NME7: variants seen among roughly 807,000 people sequenced by gnomAD.
NME7 encodes nucleoside diphosphate kinase 7.
A neutral mutation model predicts 49.1 loss-of-function variants in NME7; 41 were observed. The ratio of observed to expected loss-of-function variants is 0.83; its 90% CI spans 0.65 to 1.08. The LOEUF is 1.08. Among genes scored for constraint, NME7 ranks in the 50% least tolerant of loss-of-function variants. NME7 has a pLI of 0.00. For missense variants in NME7, 423 were observed against 463.4 expected (o/e 0.91, Z 0.80); for synonymous variants, 139 against 150.6 (o/e 0.92, Z 0.56).
At chr1:169,228,317 T>C (rs1008543182) in intron 10 of NME7, among the ~76,000 whole-genome samples, 6 of 152,186 alleles carry the variant, frequency 3.9e-5, no homozygotes, top group African/African-American at 1.4e-4. Flanking sequence ...TTTGTTTTAG[T>C]TTTTATCTCT....
chr1:169,229,218 CTCTA>C (rs1185195789), intron 10 of NME7, among the ~76,000 whole-genome samples: 16 of 152,212 alleles, frequency 1.1e-4, no homozygotes, highest in Non-Finnish European at 1.9e-4. Context: ...ACCATATTTC[CTCTA>C]TCTAAGAAAA....
At chr1:169,161,227 GC>G (rs1171331500) in intron 11 of NME7, among the ~76,000 whole-genome samples, 1 of 152,158 alleles carries the variant, frequency 6.6e-6, no homozygotes, top group Non-Finnish European at 1.5e-5. Context: ...CCTGGTCAAA[GC>G]CCCAGTCTTA....
chr1:169,358,498 G>T (rs1653537569), intron 1 of NME7, among the ~76,000 whole-genome samples: 1 of 151,886 alleles, frequency 6.6e-6, no homozygotes, highest in African/African-American at 2.4e-5. Flanking sequence ...CACAAGAGAG[G>T]ACTGGAAAAT....
intron 7 of NME7, among the ~76,000 whole-genome samples, chr1:169,275,430 G>T (rs1558017628): frequency 9.6e-6 from 1 of 104,612 alleles, no homozygotes; most frequent in Non-Finnish European, 2.1e-5. Context: ...AGTGAGTCGA[G>T]ATCGCGCCAC....
chr1:169,308,112 A>G (rs1258239172), intron 4 of NME7, among the ~76,000 whole-genome samples: 2 of 152,206 alleles, frequency 1.3e-5, no homozygotes, highest in African/African-American at 4.8e-5. Context: ...CACAGTTACA[A>G]GCAATCTGGT....
chr1:169,198,461 G>A (rs779859374), intron 10 of NME7, among the ~76,000 whole-genome samples: 9 of 151,994 alleles, frequency 5.9e-5, no homozygotes, highest in Non-Finnish European at 8.8e-5. Context: ...CAACCCAAAC[G>A]TCTATCATTT....
chr1:169,233,063 C>A (rs1031685537), intron 9 of NME7, among the ~76,000 whole-genome samples: 4 of 151,538 alleles, frequency 2.6e-5, no homozygotes, highest in Non-Finnish European at 5.9e-5. Flanking sequence ...GGACTACAGG[C>A]ACCCACCACC....
intron 6 of NME7, among the ~76,000 whole-genome samples, chr1:169,293,138 T>TA (rs558650102): frequency 0.016 from 2,212 of 136,520 alleles, 59 homozygotes; most frequent in African/African-American, 0.052. Flanking sequence ...TTAGAAAAAA[T>TA]AAAAAAAAAT....
chr1:169,247,485 A>T (rs1172496408), intron 7 of NME7, among the ~76,000 whole-genome samples: 6 of 152,088 alleles, frequency 3.9e-5, no homozygotes, highest in African/African-American at 1.4e-4. Context: ...CTCAGTTTTT[A>T]AAATTTTTTT....
At chr1:169,357,711 T>C (rs1402604990) in intron 1 of NME7, among the ~76,000 whole-genome samples, 1 of 152,046 alleles carries the variant, frequency 6.6e-6, no homozygotes, top group East Asian at 1.9e-4. Context: ...TACTTGCCAC[T>C]AGATGAAGGG....
intron 10 of NME7, among the ~76,000 whole-genome samples, chr1:169,184,143 T>TA (rs539397736): frequency 0.014 from 2,068 of 145,938 alleles, 35 homozygotes; most frequent in Middle Eastern, 0.024. Flanking sequence ...ACATTGTTTT[T>TA]AAAAAAAAAA....
intron 1 of NME7, among the ~76,000 whole-genome samples, chr1:169,335,431 C>T (rs1427313555): frequency 1.3e-5 from 2 of 151,934 alleles, no homozygotes; most frequent in East Asian, 1.9e-4. Flanking sequence ...AGCTGGAAGC[C>T]ATCATCTTCA....
intron 11 of NME7, among the ~76,000 whole-genome samples, chr1:169,158,396 C>A (rs1418727041): frequency 2.0e-5 from 3 of 152,084 alleles, no homozygotes; most frequent in African/African-American, 7.2e-5. Context: ...TTTTGCAACC[C>A]TGCTCTTTAA....
rs551202321 is a variant in NME7 at position 169,184,944 on chromosome 1, T to C, written c.991-15390A>G. 6.8e-4 allele frequency among the ~76,000 whole-genome samples: 103 copies of C among 152,310 alleles called. 1 individual carries two copies. Among genetic ancestry groups the C allele is most frequent in the African/African-American group, 2.3e-3 (95 of 41,572 alleles). ...TTAGATCTTGCAAGCTGGTGCAAGCTGACTTCAACACAACACTCTAAAAGC... is the reference window on the plus strand; with the variant it reads ...TTAGATCTTGCAAGCTGGTGCAAGCCGACTTCAACACAACACTCTAAAAGC... On this transcript the variant is annotated intron_variant, in intron 10 of 11. Transcript: ENST00000367811.
chr1:169,250,054 G>A (rs1648496012), intron 7 of NME7, among the ~76,000 whole-genome samples: 1 of 151,954 alleles, frequency 6.6e-6, no homozygotes. Context: ...ATTGGTCCCA[G>A]TTCTCTGAAT....
intron 1 of NME7, among the ~76,000 whole-genome samples, chr1:169,344,003 G>GAGAATCACCACCTTAACCACATTAAGTCT (rs1652869192): frequency 6.6e-6 from 1 of 152,180 alleles, no homozygotes; most frequent in Non-Finnish European, 1.5e-5. Context: ...CTAATTTAGA[G>GAGAATCACCACCTTAACCACATTAAGTCT]AGAATCACCA....
At chr1:169,292,867 A>G (rs562128571) in intron 6 of NME7, among the ~76,000 whole-genome samples, 46 of 152,180 alleles carry the variant, frequency 3.0e-4, no homozygotes, top group Non-Finnish European at 6.0e-4. Context: ...ATTCAAGAAA[A>G]TGTTCAGAAG....
intron 1 of NME7, among the ~76,000 whole-genome samples, chr1:169,347,051 T>C (rs1283829496): frequency 1.3e-5 from 2 of 152,050 alleles, no homozygotes; most frequent in East Asian, 3.9e-4. Context: ...ATTCTTGTAA[T>C]AATATGTGTT....
chr1:169,170,287 G>C (rs1049195442), intron 10 of NME7, among the ~76,000 whole-genome samples: 2 of 152,060 alleles, frequency 1.3e-5, no homozygotes, highest in Admixed American at 6.5e-5. Context: ...GAAGAAAGAA[G>C]AACAACAGAT....
Sources: gnomAD v4.1 joint callset for allele counts (sites outside exome capture counted in the v4.1 genomes callset) on GRCh38, gnomAD v4.1.1 for gene constraint, MANE v1.5 for transcripts, NCBI Gene and HGNC (gene_info 2026-07-23, HGNC 2026-07-21) for gene names.